Variants in NELL2 observed in about 807,000 individuals in gnomAD.
NELL2 encodes the protein neural EGFL like 2, also known as protein kinase C-binding protein NELL2.
A neutral mutation model predicts 109.6 loss-of-function variants in NELL2; 41 were observed. That is an observed-to-expected ratio of 0.37 (90% CI 0.29 to 0.49). The LOEUF is 0.49. NELL2 is among the 20% of genes least tolerant of loss of function. NELL2 has a pLI of 0.98. For synonymous variants in NELL2, 355 were observed against 344.7 expected, an observed-to-expected ratio of 1.03 and a Z score of -0.33; for missense variants, 900 against 1,008.3, an observed-to-expected ratio of 0.89 and a Z score of 1.45.
chr12:44,616,443 T>G (rs1592212512), intron 13 of NELL2, among the ~76,000 whole-genome samples: 1 of 152,174 alleles, frequency 6.6e-6, no homozygotes, highest in East Asian at 1.9e-4. Context: ...GTAGCAGATA[T>G]GGCCCTAAAC....
At chr12:44,816,188 G>A (rs934579843) in intron 2 of NELL2, 52 bp from the exon 3 acceptor site, 3 of 1,454,442 alleles carry the variant, frequency 2.1e-6, no homozygotes, top group South Asian at 1.4e-5. Flanking sequence ...ATTTTATGAA[G>A]TATCTTTTAC....
upstream of NELL2, among the ~76,000 whole-genome samples, chr12:44,880,212 A>G (rs2136856976): frequency 6.6e-6 from 1 of 152,060 alleles, no homozygotes; most frequent in South Asian, 2.1e-4. Context: ...AAAGTGACAG[A>G]AAACATAAAA....
intron 13 of NELL2, among the ~76,000 whole-genome samples, chr12:44,637,465 A>C (rs1269955036): frequency 6.9e-6 from 1 of 144,288 alleles, no homozygotes; most frequent in Non-Finnish European, 1.5e-5. Flanking sequence ...GCTGATACAC[A>C]AATCACAGTA....
intron 2 of NELL2, among the ~76,000 whole-genome samples, chr12:44,849,612 A>G (rs1691174918): frequency 6.6e-6 from 1 of 152,204 alleles, no homozygotes; most frequent in Admixed American, 6.5e-5. Flanking sequence ...AAAGTTAAAT[A>G]TACATCAACC....
At chr12:44,856,059 T>TA (rs1944674487) in intron 2 of NELL2, among the ~76,000 whole-genome samples, 1 of 152,210 alleles carries the variant, frequency 6.6e-6, no homozygotes. Context: ...GCCACAAGTA[T>TA]TCACTTAGCA....
chr12:44,904,097 T>C (rs2136884488), intron 1 of NELL2, among the ~76,000 whole-genome samples: 1 of 152,048 alleles, frequency 6.6e-6, no homozygotes, highest in East Asian at 1.9e-4. Flanking sequence ...CTAGACAAAT[T>C]AATATGTATG....
intron 15 of NELL2, among the ~76,000 whole-genome samples, chr12:44,595,300 C>T (rs542969537): frequency 3.3e-5 from 5 of 152,054 alleles, no homozygotes; most frequent in East Asian, 1.9e-4. Context: ...AAAAAACATC[C>T]GTGAGTGAAA....
intron 9 of NELL2, among the ~76,000 whole-genome samples, chr12:44,741,884 C>A (rs901443502): frequency 6.6e-6 from 1 of 152,232 alleles, no homozygotes; most frequent in Admixed American, 6.5e-5. Context: ...CCTCTGTGGG[C>A]AGGGCACAGA....
chr12:44,665,478 G>A lies in NELL2; in HGVS notation c.1444+6C>T, dbSNP rs147088806. ...ATATTTTATTTCACAAATAGCCACCGTTTACCTGTACATGAATAATCATCA... is the reference window on the plus strand; with the variant it reads ...ATATTTTATTTCACAAATAGCCACCATTTACCTGTACATGAATAATCATCA... On this transcript the variant is annotated splice_donor_region_variant and intron_variant, in intron 13 of 19. Coordinates refer to ENST00000429094, the MANE Select transcript of NELL2 (RefSeq NM_001145108.2). The A allele has an allele frequency of 9.5e-5, 151 of 1,597,068 alleles. No individual in the cohort carries two copies. The African/African-American group carries it at 1.0e-3, about 11-fold the overall frequency.
At chr12:44,719,432 G>C (rs1299714937) in intron 9 of NELL2, among the ~76,000 whole-genome samples, 2 of 151,818 alleles carry the variant, frequency 1.3e-5, no homozygotes, top group African/African-American at 2.4e-5. Flanking sequence ...CAAGCAAAAG[G>C]GCATCATATT....
intron 15 of NELL2, among the ~76,000 whole-genome samples, chr12:44,592,316 T>C (rs1048672493): frequency 3.3e-5 from 5 of 152,074 alleles, no homozygotes; most frequent in Non-Finnish European, 7.4e-5. Flanking sequence ...TCTCAGAAAA[T>C]TTAGAAAGGC....
At chr12:44,703,937 T>C (rs1011945034) in intron 11 of NELL2, 83 bp from the exon 12 acceptor site, 50 of 1,219,496 alleles carry the variant, frequency 4.1e-5, no homozygotes, top group Non-Finnish European at 5.3e-5. Flanking sequence ...TCTTTAATTT[T>C]GAAGCTATGA....
At chr12:44,911,980 T>C (rs12321496) in intron 1 of NELL2, among the ~76,000 whole-genome samples, 21,874 of 150,352 alleles carry the variant, frequency 0.15, 1,789 homozygotes, top group East Asian at 0.22. Context: ...AATAATAAAA[T>C]TTAAAAAAAT....
intron 13 of NELL2, among the ~76,000 whole-genome samples, chr12:44,635,050 T>C (rs35018724): frequency 6.6e-6 from 1 of 152,228 alleles, no homozygotes; most frequent in African/African-American, 2.4e-5. Context: ...ATGAGTTTTT[T>C]TTCATGTTTG....
chr12:44,909,768 C>CACACACACACACAT (rs1555234907), intron 1 of NELL2, among the ~76,000 whole-genome samples: 1 of 146,902 alleles, frequency 6.8e-6, no homozygotes, highest in Non-Finnish European at 1.5e-5. Flanking sequence ...CACACACACA[C>CACACACACACACAT]ATATATATAC....
At chr12:44,678,843 G>A (rs1948402217) in intron 12 of NELL2, among the ~76,000 whole-genome samples, 1 of 152,096 alleles carries the variant, frequency 6.6e-6, no homozygotes, top group Non-Finnish European at 1.5e-5. Context: ...ACCTTGGTGA[G>A]AGTAGTACGG....
intron 2 of NELL2, among the ~76,000 whole-genome samples, chr12:44,872,369 A>T (rs1005343363): frequency 6.6e-6 from 1 of 152,202 alleles, no homozygotes. Flanking sequence ...TTTCCAAAAC[A>T]ACTATAAATC....
intron 13 of NELL2, among the ~76,000 whole-genome samples, chr12:44,642,484 G>T (rs1946899115): frequency 6.6e-6 from 1 of 152,164 alleles, no homozygotes; most frequent in African/African-American, 2.4e-5. Flanking sequence ...GAAATGGGAA[G>T]TTTCTGTTCA....
intron 9 of NELL2, among the ~76,000 whole-genome samples, chr12:44,757,071 TCATCATAGCCATC>T (rs1940922938): frequency 6.6e-6 from 1 of 152,158 alleles, no homozygotes; most frequent in Admixed American, 6.6e-5. Flanking sequence ...AATAGTATAA[TCATCATAGCCATC>T]CATCCACTTT....
Sources: allele counts gnomAD v4.1 joint callset (sites outside exome capture counted in the v4.1 genomes callset), GRCh38; gene constraint gnomAD v4.1.1; transcripts MANE v1.5; gene names NCBI Gene and HGNC (gene_info 2026-07-23, HGNC 2026-07-21).